ANK3: variants seen among roughly 807,000 people sequenced by gnomAD.
The protein encoded by ANK3 is ankyrin 3.
ANK3 carries 57 observed loss-of-function variants against 370.9 expected under a neutral mutation model. The observed-to-expected ratio is 0.15, with a 90% CI of 0.12 to 0.19. The LOEUF is 0.19. Among genes scored for constraint, ANK3 ranks in the 10% least tolerant of loss-of-function variants. The pLI, the probability that ANK3 is intolerant of heterozygous loss-of-function variation, is 1.00. For synonymous variants in ANK3, 1,929 were observed against 1,946.3 expected (o/e 0.99, Z 0.23); for missense variants, 4,439 against 5,302.1 (o/e 0.84, Z 5.06).
At chr10:60,389,368 G>A in intron 1 of ANK3, 57 bp downstream of exon 1, 1 of 1,511,114 alleles carries the variant, frequency 6.6e-7, no homozygotes, top group Non-Finnish European at 9.1e-7. Context: ...AGATGCCAGA[G>A]GGAGATTAAA....
intron 2 of ANK3, among the ~76,000 whole-genome samples, chr10:60,407,980 C>T (rs919566495): frequency 4.6e-5 from 7 of 152,064 alleles, no homozygotes; most frequent in Admixed American, 6.5e-5. Context: ...AGTGGATAAC[C>T]GATGATAACT....
intron 2 of ANK3, among the ~76,000 whole-genome samples, chr10:60,608,079 G>C (rs2078151760): frequency 1.3e-5 from 2 of 152,086 alleles, no homozygotes; most frequent in South Asian, 2.1e-4. Flanking sequence ...CTGAAATCTG[G>C]GTTCAAACAG....
intron 2 of ANK3, among the ~76,000 whole-genome samples, chr10:60,556,207 A>C (rs146104497): frequency 3.3e-5 from 5 of 152,358 alleles, no homozygotes; most frequent in Admixed American, 1.3e-4. Context: ...GCAGAACAGA[A>C]GGCATATATC....
At chr10:60,496,081 C>T (rs2133131867) in intron 2 of ANK3, among the ~76,000 whole-genome samples, 1 of 151,836 alleles carries the variant, frequency 6.6e-6, no homozygotes, top group Middle Eastern at 3.4e-3. Flanking sequence ...TATGATGGAG[C>T]TCAATATGGA....
chr10:60,304,045 G>A (rs1456602588), intron 1 of ANK3, among the ~76,000 whole-genome samples: 2 of 152,014 alleles, frequency 1.3e-5, no homozygotes, highest in African/African-American at 4.8e-5. Context: ...CCATTTACAT[G>A]AGGAATTGAA....
At chr10:60,707,476 C>T (rs957904377) in intron 1 of ANK3, among the ~76,000 whole-genome samples, 1 of 151,966 alleles carries the variant, frequency 6.6e-6, no homozygotes, top group Non-Finnish European at 1.5e-5. Context: ...AGAGAAAACA[C>T]TATAATAATT....
At chr10:60,684,640 G>T in intron 1 of ANK3, 11 of 1,589,290 alleles carry the variant, frequency 6.9e-6, no homozygotes, top group Non-Finnish European at 8.6e-6. Flanking sequence ...CAATGAATTT[G>T]TAAATACCGT....
chr10:60,468,053 C>T (rs1427110972), intron 2 of ANK3, among the ~76,000 whole-genome samples: 3 of 147,698 alleles, frequency 2.0e-5, no homozygotes, highest in Non-Finnish European at 4.4e-5. Context: ...GGCATGATCT[C>T]GGCCCACTGC....
At position 60,279,616 on chromosome 10, in the gene ANK3, T is replaced by G. The variant is rs747490878; in HGVS notation, c.138A>C (p.Leu46Phe). The change falls in exon 2 of 44, where the codon TTA becomes TTC. Residue 46 changes from leucine (L) to phenylalanine (F), a missense_variant. Coordinates refer to ENST00000280772, the MANE Select transcript of ANK3 (RefSeq NM_020987.5). ...CAAGGTGTCCAGCTCGAGCTGCTCTTAAGTAACTTGCATTGGCATCAGACT... is the reference window on the plus strand; with the variant it reads ...CAAGGTGTCCAGCTCGAGCTGCTCTGAAGTAACTTGCATTGGCATCAGACT... Reference protein sequence around the residue: ...KKKSDANASYLRAARAGHLEK... With the variant: ...KKKSDANASYFRAARAGHLEK... 1.9e-6 allele frequency: 3 copies of G among 1,611,052 alleles called. No individual in the cohort carries two copies. The highest frequency in any genetic ancestry group is 2.5e-6 in the Non-Finnish European group (3 of 1,179,320).
chr10:60,363,097 G>A (rs1183376678), intron 1 of ANK3, among the ~76,000 whole-genome samples: 2 of 130,284 alleles, frequency 1.5e-5, no homozygotes, highest in Non-Finnish European at 3.3e-5. Context: ...GGAGGGGGGC[G>A]GGGGGCGCAA....
intron 2 of ANK3, among the ~76,000 whole-genome samples, chr10:60,561,562 A>G (rs188049073): frequency 6.6e-6 from 1 of 152,192 alleles, no homozygotes; most frequent in Admixed American, 6.5e-5. Context: ...CCCAGCTAAC[A>G]CCCTAAAATA....
chr10:60,530,543 A>G (rs1216988281), intron 2 of ANK3, among the ~76,000 whole-genome samples: 4 of 151,848 alleles, frequency 2.6e-5, no homozygotes, highest in Non-Finnish European at 4.4e-5. Flanking sequence ...CAAATGAGGC[A>G]CCTCAGGCAC....
At chr10:60,683,923 GAAGA>G (rs1156714356) in intron 1 of ANK3, among the ~76,000 whole-genome samples, 1 of 152,204 alleles carries the variant, frequency 6.6e-6, no homozygotes, top group East Asian at 1.9e-4. Flanking sequence ...CAGAAGGAAG[GAAGA>G]AAGGTAGGTT....
intron 1 of ANK3, among the ~76,000 whole-genome samples, chr10:60,635,458 G>A (rs1187496637): frequency 6.6e-6 from 1 of 152,010 alleles, no homozygotes; most frequent in Non-Finnish European, 1.5e-5. Flanking sequence ...ACAACCAAGG[G>A]CCACTCCTTC....
Position 60,648,929 on chromosome 10 carries a change from C to T in ANK3, c.58-33705G>A, listed in dbSNP as rs181109662. On this transcript the variant is annotated intron_variant, in intron 1 of 43. Transcript: ENST00000373827. ...AAGGAGAATCTGCTAGTCATATTGG[C>T]CACAGCCCAAGGCAACCATAACCTG... Among the ~76,000 whole-genome samples the T allele has an allele frequency of 1.8e-3, 278 of 152,182 alleles. 1 individual carries two copies. The highest frequency in any genetic ancestry group is 6.5e-3 in the African/African-American group (270 of 41,522).
At chr10:60,291,966 G>C (rs1367368538) in intron 1 of ANK3, among the ~76,000 whole-genome samples, 1 of 152,040 alleles carries the variant, frequency 6.6e-6, no homozygotes, top group African/African-American at 2.4e-5. Flanking sequence ...CACCCATCTT[G>C]GCCTCCCAAG....
In ANK3 at chr10:60,070,663, G is replaced by T. The variant is rs766747866; in HGVS notation, c.10218C>A (p.Asp3406Glu). The change falls in exon 37 of 44, where the codon GAC becomes GAA. Residue 3406 changes from aspartate (D) to glutamate (E), a missense_variant. By Grantham distance (45) the Asp-to-Glu change is conservative. This residue lies in a region of ANK3 where 1,601 missense variants were observed against 1,731.7 expected (regional missense o/e 0.92). Transcript: ENST00000280772. This position sits in a 1 kb window ranked among gnomAD's most constrained non-coding sequence, Gnocchi z 5.7. Reference sequence around the variant, plus strand: ...GAGAGTCGATCTCTGTGGCATCCGTGTCATGAGAAAACTCTGCTGTGGTGG... The same window carrying T: ...GAGAGTCGATCTCTGTGGCATCCGTTTCATGAGAAAACTCTGCTGTGGTGG... ...SIATTAEFSHDTDATEIDSLD... is the reference protein window; with the variant it reads ...SIATTAEFSHETDATEIDSLD... 10 of 1,614,126 alleles carry T rather than the reference G, an allele frequency of 6.2e-6. No homozygotes were observed. The highest frequency in any genetic ancestry group is 8.5e-6 in the Non-Finnish European group (10 of 1,180,028).
intron 24 of ANK3, among the ~76,000 whole-genome samples, chr10:60,135,166 G>A (rs376733516): frequency 5.3e-5 from 8 of 152,228 alleles, no homozygotes; most frequent in East Asian, 1.9e-4. Flanking sequence ...TGTCACTCTC[G>A]TGACCTTGCA....
At chr10:60,157,831 C>T (rs919888522) in intron 23 of ANK3, among the ~76,000 whole-genome samples, 3 of 143,222 alleles carry the variant, frequency 2.1e-5, no homozygotes, top group African/African-American at 7.8e-5. Context: ...CTCAAAAGGA[C>T]AAATCTAAGT....
Sources: allele counts gnomAD v4.1 joint callset (sites outside exome capture counted in the v4.1 genomes callset), GRCh38; gene constraint gnomAD v4.1.1; regional missense constraint gnomAD v4.1.1; non-coding constraint Gnocchi (gnomAD v3.1); transcripts MANE v1.5; gene names NCBI Gene and HGNC (gene_info 2026-07-23, HGNC 2026-07-21).